The following SFMBT2 variants were observed in gnomAD, a reference collection of about 807,000 sequenced individuals.
SFMBT2 encodes the protein Scm like with four mbt domains 2.
A neutral mutation model predicts 110.1 loss-of-function variants in SFMBT2; 38 were observed. The observed-to-expected ratio is 0.35, with a 90% CI of 0.27 to 0.45. The LOEUF (loss-of-function observed/expected upper bound fraction) is 0.45, where lower values mean the gene tolerates loss of function less well. Among genes scored for constraint, SFMBT2 ranks in the 20% least tolerant of loss-of-function variants. The probability of loss-of-function intolerance (pLI) is 1.00; values close to 1 mark genes in which losing one functional copy is unlikely to be tolerated. For missense variants in SFMBT2, 1,011 were observed against 1,094.9 expected (o/e 0.92, Z 1.08); for synonymous variants, 425 against 425.4 (o/e 1.00, Z 0.01).
intron 4 of SFMBT2, among the ~76,000 whole-genome samples, chr10:7,288,230 G>A (rs1842158429): frequency 6.6e-6 from 1 of 152,070 alleles, no homozygotes; most frequent in South Asian, 2.1e-4. Flanking sequence ...CCACGCACAA[G>A]GATGATCATC....
At chr10:7,372,083 C>T (rs906869240) in intron 2 of SFMBT2, among the ~76,000 whole-genome samples, 20 of 151,964 alleles carry the variant, frequency 1.3e-4, no homozygotes, top group Non-Finnish European at 2.6e-4. Flanking sequence ...TGCACCACCA[C>T]GCCCAGCTAA....
intron 1 of SFMBT2, among the ~76,000 whole-genome samples, chr10:7,401,645 TGATGGGCTCAG>T (rs1846086095): frequency 6.6e-6 from 1 of 152,146 alleles, no homozygotes; most frequent in Non-Finnish European, 1.5e-5. Context: ...ATCCACAGGG[TGATGGGCTCAG>T]GATCAACCCT....
chr10:7,249,598 T>C, intron 7 of SFMBT2: 5 of 970,932 alleles, frequency 5.1e-6, no homozygotes, highest in Non-Finnish European at 6.1e-6. Flanking sequence ...TTCTTTTACC[T>C]GCAAATCTAA....
chr10:7,293,712 C>A lies in SFMBT2; in HGVS notation c.437-7758G>T, dbSNP rs757386830. On this transcript the variant is annotated intron_variant, in intron 4 of 20. Transcript: ENST00000397167. This position sits in a 1 kb window ranked among gnomAD's most constrained non-coding sequence, Gnocchi z 4.6. ...AGTTCCTCTCTCTTTCTCTTTCTCT[C>A]TCTCTCTTTCTCTCCCTCTCTCTCT... Among the ~76,000 whole-genome samples, 4 of 152,162 alleles carry A rather than the reference C, an allele frequency of 2.6e-5. No homozygotes were observed. Among genetic ancestry groups the A allele is most frequent in the Non-Finnish European group, 2.9e-5 (2 of 68,026 alleles).
intron 15 of SFMBT2, among the ~76,000 whole-genome samples, chr10:7,197,146 C>T (rs946419578): frequency 1.3e-5 from 2 of 152,122 alleles, no homozygotes; most frequent in Non-Finnish European, 2.9e-5. Flanking sequence ...GCGCCATTCT[C>T]GGTGATTAAC....
intron 4 of SFMBT2, among the ~76,000 whole-genome samples, chr10:7,360,098 A>G (rs1048013502): frequency 4.6e-5 from 7 of 152,262 alleles, no homozygotes; most frequent in African/African-American, 9.6e-5. Flanking sequence ...ACACAAAAGT[A>G]TCTTCTAATT....
chr10:7,286,155 A>C (rs886754904), intron 4 of SFMBT2, among the ~76,000 whole-genome samples: 20 of 152,248 alleles, frequency 1.3e-4, no homozygotes, highest in Admixed American at 5.9e-4. Context: ...GCAACTTGAC[A>C]CATACCACAT....
chr10:7,185,355 A>T (rs1350456293), intron 16 of SFMBT2, among the ~76,000 whole-genome samples: 1 of 152,238 alleles, frequency 6.6e-6, no homozygotes, highest in Non-Finnish European at 1.5e-5. Flanking sequence ...TTTCCGGTGA[A>T]GTCTCTCAGT....
intron 4 of SFMBT2, among the ~76,000 whole-genome samples, chr10:7,325,932 TA>T (rs1267179364): frequency 6.6e-6 from 1 of 152,218 alleles, no homozygotes; most frequent in Non-Finnish European, 1.5e-5. Context: ...TGTTAAAAAT[TA>T]AAAGAAAACA....
At chr10:7,337,268 G>A (rs1843744433) in intron 4 of SFMBT2, among the ~76,000 whole-genome samples, 1 of 152,178 alleles carries the variant, frequency 6.6e-6, no homozygotes, top group Non-Finnish European at 1.5e-5. Context: ...GAAAACGTAG[G>A]CTGCTCCCCT....
intron 8 of SFMBT2, chr10:7,246,276 G>A (rs188141042): frequency 4.4e-4 from 251 of 575,650 alleles, no homozygotes; most frequent in Non-Finnish European, 5.3e-4. Context: ...TCTATTTAGA[G>A]AAAATTATTT....
chr10:7,180,400 A>T (rs531347135), intron 16 of SFMBT2, among the ~76,000 whole-genome samples: 1 of 151,706 alleles, frequency 6.6e-6, no homozygotes, highest in East Asian at 1.9e-4. Flanking sequence ...TGGCCTCCCA[A>T]AGTGCTGGGA....
chr10:7,409,906 C>T (rs1486141701), intron 1 of SFMBT2, among the ~76,000 whole-genome samples: 1 of 151,952 alleles, frequency 6.6e-6, no homozygotes, highest in Non-Finnish European at 1.5e-5. Context: ...GATGAGTGTC[C>T]GGCCACCGAG....
intron 12 of SFMBT2, chr10:7,205,059 G>T: frequency 2.7e-6 from 1 of 372,612 alleles, no homozygotes; most frequent in Non-Finnish European, 3.7e-6. Flanking sequence ...ATTAGTTAGT[G>T]CTAAGAGTAG....
At chr10:7,283,247 G>A (rs555966068) in intron 6 of SFMBT2, among the ~76,000 whole-genome samples, 1 of 152,214 alleles carries the variant, frequency 6.6e-6, no homozygotes, top group Non-Finnish European at 1.5e-5. Flanking sequence ...GTATGACAGA[G>A]AGCATAAGGC....
chr10:7,242,640 G>A (rs1840471133), intron 9 of SFMBT2, among the ~76,000 whole-genome samples: 1 of 152,162 alleles, frequency 6.6e-6, no homozygotes, highest in Non-Finnish European at 1.5e-5. Flanking sequence ...CAAATATGGG[G>A]AAAAATGAAG....
intron 20 of SFMBT2, among the ~76,000 whole-genome samples, chr10:7,167,297 C>G (rs546067769): frequency 2.0e-5 from 3 of 152,194 alleles, no homozygotes; most frequent in African/African-American, 7.2e-5. Context: ...GTTGTATGTG[C>G]TTAGTTATAG....
intron 16 of SFMBT2, among the ~76,000 whole-genome samples, chr10:7,180,405 C>G (rs1838210890): frequency 1.3e-5 from 2 of 151,666 alleles, no homozygotes; most frequent in South Asian, 4.2e-4. Context: ...TCCCAAAGTG[C>G]TGGGATTACA....
chr10:7,266,063 G>A (rs1238345729), intron 7 of SFMBT2, among the ~76,000 whole-genome samples: 2 of 152,004 alleles, frequency 1.3e-5, no homozygotes, highest in African/African-American at 4.8e-5. Context: ...CAGAAGGGGA[G>A]ATAGTGGAAC....
Sources: gnomAD v4.1 joint callset for allele counts (sites outside exome capture counted in the v4.1 genomes callset) on GRCh38, gnomAD v4.1.1 for gene constraint, Gnocchi (gnomAD v3.1) non-coding constraint, MANE v1.5 for transcripts, NCBI Gene and HGNC (gene_info 2026-07-23, HGNC 2026-07-21) for gene names.